Variants in SPMAP2 observed in about 807,000 individuals in gnomAD.
SPMAP2 encodes sperm microtubule associated protein 2, also known as Theg homolog.
chr19:361,760 G>A, the SPMAP2 span: 1 of 94,056 alleles, frequency 1.1e-5, no homozygotes, highest in Admixed American at 1.1e-4. Flanking sequence ...CGGTCCCGTG[G>A]GCCCTCAGCA....
chr19:373,441 G>A, the SPMAP2 span: 2 of 1,611,352 alleles, frequency 1.2e-6, no homozygotes, highest in East Asian at 2.2e-5. Context: ...CCGGGGGCAG[G>A]GGTCTCAGCA....
At chr19:373,606 G>T in the SPMAP2 span, 1 of 1,489,042 alleles carries the variant, frequency 6.7e-7, no homozygotes, top group Non-Finnish European at 9.3e-7. Context: ...CTGGGTCTCT[G>T]CCAGGAGGGT....
At chr19:374,585 A>G in the SPMAP2 span, 1 of 981,562 alleles carries the variant, frequency 1.0e-6, no homozygotes, top group Non-Finnish European at 1.5e-6. Flanking sequence ...CTTTGGCACC[A>G]CGAAGGCCTG....
At chr19:373,594 G>A in the SPMAP2 span, 1 of 1,549,738 alleles carries the variant, frequency 6.5e-7, no homozygotes, top group Non-Finnish European at 8.9e-7. Flanking sequence ...CCGGAAACAA[G>A]CCTGGGTCTC....
the SPMAP2 span, among the ~76,000 whole-genome samples, chr19:375,267 G>A: frequency 1.3e-5 from 2 of 151,978 alleles, no homozygotes; most frequent in African/African-American, 4.8e-5. Context: ...GTGGTGCTTA[G>A]AATGGTTTCA....
At chr19:369,366 G>GCC in the SPMAP2 span, among the ~76,000 whole-genome samples, 2 of 152,082 alleles carry the variant, frequency 1.3e-5, no homozygotes, top group Non-Finnish European at 1.5e-5. Context: ...GCAAGACGGC[G>GCC]GCCAGGATGA....
chr19:362,957 C>T, the SPMAP2 span, among the ~76,000 whole-genome samples: 3 of 151,970 alleles, frequency 2.0e-5, no homozygotes, highest in African/African-American at 7.3e-5. Context: ...ACCAGAGACA[C>T]GAAAGGACAC....
At chr19:367,061 T>C in the SPMAP2 span, 14 of 1,612,752 alleles carry the variant, frequency 8.7e-6, no homozygotes, top group Non-Finnish European at 1.2e-5. Context: ...AGGCACCTAC[T>C]TACTGGCCAA....
the SPMAP2 span, chr19:374,289 G>A: frequency 2.5e-5 from 40 of 1,613,694 alleles, no homozygotes; most frequent in South Asian, 6.6e-5. Context: ...GTGGTCTGGC[G>A]TGTCCTCACC....
chr19:364,738 GC>G, the SPMAP2 span, among the ~76,000 whole-genome samples: 1 of 151,852 alleles, frequency 6.6e-6, no homozygotes, highest in Non-Finnish European at 1.5e-5. Flanking sequence ...GGCACTCGTG[GC>G]CCCCTCCTCC....
chr19:372,625 C>A, the SPMAP2 span: 32 of 1,613,710 alleles, frequency 2.0e-5, no homozygotes, highest in African/African-American at 2.7e-5. Flanking sequence ...GCCCTCCTTC[C>A]CCCACCTGTT....
chr19:361,943 G>C, the SPMAP2 span: 5 of 312,574 alleles, frequency 1.6e-5, no homozygotes, highest in Non-Finnish European at 2.3e-5. Flanking sequence ...CGACTCCGAC[G>C]GTCCCGTGGG....
chr19:375,853 G>A, the SPMAP2 span: 15 of 1,601,236 alleles, frequency 9.4e-6, no homozygotes, highest in African/African-American at 2.7e-5. Context: ...GTGACCCGCC[G>A]GCTCTCGTAC....
chr19:362,994 T>C, the SPMAP2 span, among the ~76,000 whole-genome samples: 330 of 152,008 alleles, frequency 2.2e-3, 1 homozygote, highest in Admixed American at 5.6e-3. Flanking sequence ...TTTATACAAA[T>C]GTCCAGGACA....
chr19:373,689 G>T, the SPMAP2 span, among the ~76,000 whole-genome samples: 1 of 152,004 alleles, frequency 6.6e-6, no homozygotes, highest in African/African-American at 2.4e-5. Flanking sequence ...CCGGCGGGAC[G>T]CGTGGATTAT....
chr19:374,555 G>A, the SPMAP2 span: 69 of 1,279,448 alleles, frequency 5.4e-5, 1 homozygote, highest in Middle Eastern at 5.4e-4. Flanking sequence ...CCTTTCCCTC[G>A]AGGGGTCTCT....
the SPMAP2 span, chr19:371,469 CTG>C: frequency 2.2e-6 from 1 of 453,972 alleles, no homozygotes; most frequent in Non-Finnish European, 3.9e-6. Flanking sequence ...AGCTCCTCCT[CTG>C]TTTCTGGGGT....
chr19:372,928 G>A, the SPMAP2 span, among the ~76,000 whole-genome samples: 13 of 152,330 alleles, frequency 8.5e-5, no homozygotes, highest in East Asian at 7.7e-4. Flanking sequence ...CTCGGACACC[G>A]GATGGGAGTG....
chr19:364,137 T>C, the SPMAP2 span, among the ~76,000 whole-genome samples: 7 of 149,986 alleles, frequency 4.7e-5, no homozygotes, highest in East Asian at 1.2e-3. Flanking sequence ...ATCGAGACCA[T>C]CCTGGCTCAC....
Sources: allele counts gnomAD v4.1 joint callset (sites outside exome capture counted in the v4.1 genomes callset), GRCh38; gene constraint gnomAD v4.1.1; transcripts MANE v1.5; gene names NCBI Gene and HGNC (gene_info 2026-07-23, HGNC 2026-07-21).